The following CAP1 variants were observed in gnomAD, a reference collection of about 807,000 sequenced individuals.
The protein encoded by CAP1 is adenylyl cyclase-associated protein 1.
A neutral mutation model predicts 58.2 loss-of-function variants in CAP1; 11 were observed. The observed-to-expected ratio is 0.19, with a 90% CI of 0.12 to 0.31. CAP1 has a LOEUF of 0.31. Among genes scored for constraint, CAP1 ranks in the 10% least tolerant of loss-of-function variants. The pLI is 1.00. For synonymous variants in CAP1, 183 were observed against 213.8 expected, an observed-to-expected ratio of 0.86 and a Z score of 1.26; for missense variants, 423 against 587.5, an observed-to-expected ratio of 0.72 and a Z score of 2.89.
chr1:40,049,178 ATTTTT>A (rs72214452), intron 1 of CAP1, among the ~76,000 whole-genome samples: 7 of 84,880 alleles, frequency 8.2e-5, no homozygotes, highest in East Asian at 9.1e-4. Flanking sequence ...GCCATTTCTA[ATTTTT>A]TTTTTTTTTT....
At chr1:40,045,594 C>T (rs564533218) in intron 1 of CAP1, among the ~76,000 whole-genome samples, 5 of 151,928 alleles carry the variant, frequency 3.3e-5, no homozygotes, top group East Asian at 1.9e-4. Flanking sequence ...TTTGCTCGGT[C>T]GCCCAGGCTG....
In CAP1 at chr1:40,070,148, C is replaced by T; in HGVS notation, c.994-11C>T. 1 of 1,613,690 alleles carries T rather than the reference C, an allele frequency of 6.2e-7. No individual in the cohort carries two copies. The highest frequency in any genetic ancestry group is 8.5e-7 in the Non-Finnish European group (1 of 1,179,976). ...CTTTGTGATGAGAATCCTGGGATCT[C>T]TCTCTAACAGGAAAATCAGGAAAAT... On this transcript the variant is annotated splice_polypyrimidine_tract_variant and intron_variant, in intron 9 of 12. Coordinates refer to ENST00000372805, the MANE Select transcript of CAP1 (RefSeq NM_006367.4).
At chr1:40,066,430 GT>G (rs1409338203) in intron 7 of CAP1, 110 bp downstream of exon 7, 2 of 658,476 alleles carry the variant, frequency 3.0e-6, no homozygotes, top group Non-Finnish European at 5.6e-6. Context: ...GGGAATGCTA[GT>G]TTTTTCAGTG....
upstream of CAP1, chr1:40,040,670 G>T (rs947996006): frequency 1.3e-5 from 2 of 152,728 alleles, no homozygotes; most frequent in African/African-American, 4.8e-5. Context: ...CGCTTCAGCC[G>T]GCGGCTCATT....
chr1:40,049,548 A>C (rs1450776906), intron 1 of CAP1, among the ~76,000 whole-genome samples: 1 of 152,102 alleles, frequency 6.6e-6, no homozygotes, highest in Non-Finnish European at 1.5e-5. Flanking sequence ...ACATTGCTGG[A>C]GAATCAAGCT....
intron 1 of CAP1, among the ~76,000 whole-genome samples, chr1:40,048,066 A>C (rs1356577455): frequency 6.8e-6 from 1 of 146,932 alleles, no homozygotes; most frequent in Non-Finnish European, 1.5e-5. Context: ...TTTTTTTTTG[A>C]GATGGTGTCT....
intron 1 of CAP1, among the ~76,000 whole-genome samples, chr1:40,047,208 G>A (rs1210162004): frequency 6.6e-6 from 1 of 152,186 alleles, no homozygotes; most frequent in Non-Finnish European, 1.5e-5. Context: ...ATGTCATTAT[G>A]TAATGCATGA....
chr1:40,054,061 T>TAAAACAAAAC (rs74310729), intron 1 of CAP1, among the ~76,000 whole-genome samples: 2 of 152,134 alleles, frequency 1.3e-5, no homozygotes, highest in Admixed American at 1.3e-4. Context: ...AGCAAAAAAT[T>TAAAACAAAAC]AAAACAAAAC....
intron 1 of CAP1, among the ~76,000 whole-genome samples, chr1:40,048,519 C>T (rs1646210199): frequency 6.6e-6 from 1 of 152,184 alleles, no homozygotes; most frequent in African/African-American, 2.4e-5. Flanking sequence ...GTAGAACTAA[C>T]TACTACATAG....
chr1:40,042,953 G>A (rs1645906949), intron 1 of CAP1, among the ~76,000 whole-genome samples: 1 of 152,134 alleles, frequency 6.6e-6, no homozygotes, highest in Non-Finnish European at 1.5e-5. Flanking sequence ...CAGATAGAGA[G>A]TATGAGAGGT....
At chr1:40,070,621 TA>T in intron 11 of CAP1, 109 bp downstream of exon 11, 1 of 1,054,970 alleles carries the variant, frequency 9.5e-7, no homozygotes, top group Non-Finnish European at 1.5e-6. Flanking sequence ...ACAAAGTCTG[TA>T]AGCTGAGCTG....
intron 1 of CAP1, among the ~76,000 whole-genome samples, chr1:40,054,754 G>A (rs1646537644): frequency 6.6e-6 from 1 of 152,168 alleles, no homozygotes; most frequent in Non-Finnish European, 1.5e-5. Context: ...CCATTCTTGT[G>A]CTTCAGCCAC....
At chr1:40,053,324 G>C (rs1646465042) in intron 1 of CAP1, among the ~76,000 whole-genome samples, 1 of 152,232 alleles carries the variant, frequency 6.6e-6, no homozygotes, top group Admixed American at 6.5e-5. Flanking sequence ...GCTGGATACT[G>C]TGATTAACCA....
intron 1 of CAP1, among the ~76,000 whole-genome samples, chr1:40,046,839 C>T (rs1646129569): frequency 6.7e-6 from 1 of 150,088 alleles, no homozygotes; most frequent in South Asian, 2.1e-4. Context: ...GTGGCACGAT[C>T]TTGGCTCACT....
At chr1:40,048,525 C>T (rs1358615593) in intron 1 of CAP1, among the ~76,000 whole-genome samples, 1 of 152,144 alleles carries the variant, frequency 6.6e-6, no homozygotes, top group East Asian at 1.9e-4. Context: ...CTAACTACTA[C>T]ATAGTTTAGT....
chr1:40,042,947 T>C (rs1282216218), intron 1 of CAP1, among the ~76,000 whole-genome samples: 1 of 152,078 alleles, frequency 6.6e-6, no homozygotes, highest in Non-Finnish European at 1.5e-5. Flanking sequence ...ACCATTCAGA[T>C]AGAGAGTATG....
chr1:40,069,442 A>G (rs184781639), intron 8 of CAP1: 76 of 361,894 alleles, frequency 2.1e-4, no homozygotes, highest in African/African-American at 1.5e-3. Flanking sequence ...CATAGAGGAT[A>G]AGGATTTACA....
intron 1 of CAP1, among the ~76,000 whole-genome samples, chr1:40,044,382 C>T (rs1369634283): frequency 1.3e-5 from 2 of 152,150 alleles, no homozygotes; most frequent in Non-Finnish European, 2.9e-5. Flanking sequence ...TGAGAGTTCT[C>T]GAGCGGTATC....
chr1:40,066,348 C>G (rs768325147), intron 7 of CAP1, 28 bp downstream of exon 7: 5 of 1,168,666 alleles, frequency 4.3e-6, no homozygotes, highest in Non-Finnish European at 6.4e-6. Context: ...CCCTCCCTCC[C>G]TCCCTCCCAC....
Sources: allele counts gnomAD v4.1 joint callset (sites outside exome capture counted in the v4.1 genomes callset), GRCh38; gene constraint gnomAD v4.1.1; transcripts MANE v1.5; gene names NCBI Gene and HGNC (gene_info 2026-07-23, HGNC 2026-07-21).